Variants in AXDND1 observed in about 807,000 individuals in gnomAD.
The protein encoded by AXDND1 is axonemal dynein light chain domain containing 1.
Under a neutral mutation model 137.5 loss-of-function variants are expected in AXDND1, and 110 were observed. That is an observed-to-expected ratio of 0.80 (90% confidence interval 0.69 to 0.94). The LOEUF (loss-of-function observed/expected upper bound fraction) is 0.94, where lower values mean the gene tolerates loss of function less well. AXDND1 is among the 40% of genes least tolerant of loss of function. The pLI, the probability that AXDND1 is intolerant of heterozygous loss-of-function variation, is 0.00. For missense variants in AXDND1, 1,191 were observed against 1,169.8 expected (o/e 1.02, Z -0.26); for synonymous variants, 414 against 399.7 (o/e 1.04, Z -0.43).
chr1:179,395,332 G>A (rs892035301), intron 11 of AXDND1, 130 bp downstream of exon 11: 33 of 658,732 alleles, frequency 5.0e-5, no homozygotes, highest in Admixed American at 4.8e-4. Flanking sequence ...TACTTTATCT[G>A]AATTTAGTTG....
Position 179,385,281 on chromosome 1 carries a change from A to G in AXDND1, c.785A>G (p.Tyr262Cys). The G allele has an allele frequency of 6.2e-7, 1 of 1,612,238 alleles. No individual in the cohort carries two copies. Among genetic ancestry groups the G allele is most frequent in the Non-Finnish European group, 8.5e-7 (1 of 1,178,290 alleles). The change falls in exon 9 of 26, where the codon TAC becomes TGC. Residue 262 changes from tyrosine (Y) to cysteine (C), a missense_variant. Tyr to Cys is a radical substitution (Grantham distance 194). Transcript: ENST00000367618. ...ATATTGAAGAAGGAACAGACCATTT[A>G]CAACATGATATTTCATGAACTTATT... ...LHILKKEQTI[Y>C]NMIFHELIRQ...
At chr1:179,402,203 C>CT (rs1652203982) in intron 11 of AXDND1, among the ~76,000 whole-genome samples, 1 of 150,898 alleles carries the variant, frequency 6.6e-6, no homozygotes, top group Non-Finnish European at 1.5e-5. Context: ...TTGGGTATGT[C>CT]TATCAGCAGC....
chr1:179,430,538 G>A lies in AXDND1; in HGVS notation c.1419G>A (p.Met473Ile). The change falls in exon 14 of 26, where the codon ATG becomes ATA. Residue 473 changes from methionine (M) to isoleucine (I), a missense_variant. Transcript: ENST00000367618. Reference sequence around the variant, plus strand: ...AACTTAAACAAGAGGTAGAACAAATGGAAGAGTCTACAAGCGAGACACTGA... The same window carrying A: ...AACTTAAACAAGAGGTAGAACAAATAGAAGAGTCTACAAGCGAGACACTGA... The part of the protein sequence containing the change: ...VNKLKQEVEQ[M>I]EESTSETLKI... 1 of 1,613,958 alleles carries A rather than the reference G, an allele frequency of 6.2e-7. No homozygotes were observed. The highest frequency in any genetic ancestry group is 8.5e-7 in the Non-Finnish European group (1 of 1,179,926).
chr1:179,544,673 C>CAAAAAAAAA (rs35843095), intron 25 of AXDND1: 4 of 111,098 alleles, frequency 3.6e-5, no homozygotes, highest in South Asian at 3.3e-4. Flanking sequence ...GACTCCATCT[C>CAAAAAAAAA]AAAAAAAAAA....
chr1:179,533,119 AT>A (rs1252620708), intron 23 of AXDND1: 1 of 152,236 alleles, frequency 6.6e-6, no homozygotes, highest in South Asian at 2.1e-4. Flanking sequence ...ACTTTACCTT[AT>A]ACCTGACACT....
At chr1:179,383,878 C>G (rs908952302) in intron 8 of AXDND1, among the ~76,000 whole-genome samples, 1 of 152,066 alleles carries the variant, frequency 6.6e-6, no homozygotes, top group African/African-American at 2.4e-5. Context: ...TTATGTAACA[C>G]TAAAAAACAC....
At position 179,432,356 on chromosome 1, in the gene AXDND1, A is replaced by G; in HGVS notation, c.1563+14A>G. 6 of 1,556,226 alleles carry G rather than the reference A, an allele frequency of 3.9e-6. No individual in the cohort carries two copies. The highest frequency in any genetic ancestry group is 5.2e-6 in the Non-Finnish European group (6 of 1,148,826). ...CAGTGGCAGAAGGTAAGACTTTTTA[A>G]TAAAGAGCTTGGCAATCAAAGTGCT... On this transcript the variant is annotated intron_variant, in intron 15 of 25. Transcript: ENST00000367618.
At position 179,502,626 on chromosome 1, in the gene AXDND1, A is replaced by T. The variant is rs10913802; in HGVS notation, c.2389-6670A>T. ...GGCAATACAAGTGTTAACAAGAATG[A>T]GGGAGCAACAGGTACTTCTATACTG... On this transcript the variant is annotated intron_variant, in intron 20 of 25. Coordinates refer to ENST00000367618, the MANE Select transcript of AXDND1 (RefSeq NM_144696.6). 8.1e-5 allele frequency among the ~76,000 whole-genome samples: 12 copies of T among 148,750 alleles called. 1 individual carries two copies. Among genetic ancestry groups the T allele is most frequent in the African/African-American group, 3.0e-4 (12 of 40,208 alleles).
At chr1:179,537,479 A>T (rs1345991586) in intron 25 of AXDND1, among the ~76,000 whole-genome samples, 1 of 152,096 alleles carries the variant, frequency 6.6e-6, no homozygotes, top group Non-Finnish European at 1.5e-5. Context: ...GGTTCTGTTT[A>T]TTTGATGGAT....
chr1:179,379,246 G>A (rs1231453757), intron 5 of AXDND1, 151 bp from the exon 6 acceptor site: 1 of 722,630 alleles, frequency 1.4e-6, no homozygotes, highest in African/African-American at 1.8e-5. Context: ...CATTTGCTAT[G>A]ACCCACATTG....
intron 11 of AXDND1, among the ~76,000 whole-genome samples, chr1:179,409,583 T>C (rs942729437): frequency 6.6e-6 from 1 of 152,130 alleles, no homozygotes; most frequent in Non-Finnish European, 1.5e-5. Flanking sequence ...ACCAAAGTAT[T>C]AAGAATATGA....
At chr1:179,502,502 T>C (rs1668092764) in intron 20 of AXDND1, among the ~76,000 whole-genome samples, 1 of 148,830 alleles carries the variant, frequency 6.7e-6, no homozygotes, top group African/African-American at 2.5e-5. Flanking sequence ...AGGCAAAGTT[T>C]GTGGTGAGCC....
intron 15 of AXDND1, 58 bp downstream of exon 15, chr1:179,432,400 C>T: frequency 6.8e-7 from 1 of 1,477,424 alleles, no homozygotes; most frequent in Non-Finnish European, 9.0e-7. Flanking sequence ...ACTTGGCATT[C>T]CGGACCTACA....
At chr1:179,449,526 A>T (rs973407148) in intron 16 of AXDND1, 6 of 154,158 alleles carry the variant, frequency 3.9e-5, no homozygotes, top group Admixed American at 6.4e-5. Flanking sequence ...TATGAATTTT[A>T]TAATCAGCTT....
At chr1:179,515,660 A>G (rs1432768627) in intron 21 of AXDND1, among the ~76,000 whole-genome samples, 1 of 152,134 alleles carries the variant, frequency 6.6e-6, no homozygotes, top group African/African-American at 2.4e-5. Context: ...TATTCCCCCA[A>G]ATATGTTTTC....
intron 9 of AXDND1, among the ~76,000 whole-genome samples, chr1:179,390,916 C>A (rs1650066214): frequency 6.6e-6 from 1 of 152,130 alleles, no homozygotes; most frequent in Non-Finnish European, 1.5e-5. Flanking sequence ...AAGTGATTCT[C>A]CTGTCTCAGC....
At chr1:179,437,243 C>G (rs1056976812) in intron 15 of AXDND1, among the ~76,000 whole-genome samples, 10 of 151,962 alleles carry the variant, frequency 6.6e-5, no homozygotes, top group African/African-American at 9.7e-5. Flanking sequence ...GGACAAGGAC[C>G]CTGAGCTTTA....
At chr1:179,444,911 A>T (rs1659511574) in intron 15 of AXDND1, 59 bp from the exon 16 acceptor site, 2 of 1,210,096 alleles carry the variant, frequency 1.7e-6, no homozygotes, top group Non-Finnish European at 2.4e-6. Flanking sequence ...CATCTGGTAG[A>T]CTTTGATAAA....
Position 179,488,189 on chromosome 1 carries a change from T to G in AXDND1, c.2092-3349T>G, listed in dbSNP as rs1331569004. 1.4e-5 allele frequency among the ~76,000 whole-genome samples: 2 copies of G among 147,976 alleles called. 1 individual carries two copies. Among genetic ancestry groups the G allele is most frequent in the African/African-American group, 5.2e-5 (2 of 38,722 alleles). On this transcript the variant is annotated intron_variant, in intron 18 of 25. Coordinates refer to ENST00000367618, the MANE Select transcript of AXDND1 (RefSeq NM_144696.6). ...TCCCAGCCAATTGAAATGCTTTATTTCTAAGATTTTTAAAAAGATTAGAAA... is the reference window on the plus strand; with the variant it reads ...TCCCAGCCAATTGAAATGCTTTATTGCTAAGATTTTTAAAAAGATTAGAAA...
Sources: gnomAD v4.1 joint callset for allele counts (sites outside exome capture counted in the v4.1 genomes callset) on GRCh38, gnomAD v4.1.1 for gene constraint, MANE v1.5 for transcripts, NCBI Gene and HGNC (gene_info 2026-07-23, HGNC 2026-07-21) for gene names.